The following NBEAL1 variants were observed in gnomAD, a reference collection of about 807,000 sequenced individuals.
NBEAL1 encodes the protein neurobeachin-like protein 1.
In NBEAL1, 273 loss-of-function variants were observed where a neutral mutation model predicts 351.3. That is an observed-to-expected ratio of 0.78 (90% confidence interval 0.70 to 0.86). NBEAL1 has a LOEUF of 0.86. Ranked by LOEUF, NBEAL1 falls within the 40% of genes least tolerant of loss-of-function variation. The pLI is 0.00. For synonymous variants in NBEAL1, 1,050 were observed against 1,086.4 expected (o/e 0.97, Z 0.66); for missense variants, 2,961 against 3,201.3 (o/e 0.92, Z 1.81).
At chr2:203,101,232 T>A (rs1052683491) in intron 12 of NBEAL1, among the ~76,000 whole-genome samples, 3 of 152,214 alleles carry the variant, frequency 2.0e-5, no homozygotes, top group African/African-American at 7.2e-5. Flanking sequence ...TAGCTAGTTA[T>A]CCCAGTACTA....
chr2:203,214,673 G>C (rs2065868443), intron 55 of NBEAL1, among the ~76,000 whole-genome samples: 1 of 152,146 alleles, frequency 6.6e-6, no homozygotes, highest in African/African-American at 2.4e-5. Flanking sequence ...TACTCGGGAG[G>C]CTGAGGCAAA....
At chr2:203,199,500 A>G (rs557157644) in intron 49 of NBEAL1, 53 bp downstream of exon 49, 13 of 886,422 alleles carry the variant, frequency 1.5e-5, no homozygotes, top group Non-Finnish European at 2.2e-5. Context: ...CCTTATTGCC[A>G]GGAAAAAAAC....
intron 7 of NBEAL1, among the ~76,000 whole-genome samples, chr2:203,073,998 G>A (rs1388055516): frequency 2.6e-5 from 4 of 152,124 alleles, no homozygotes; most frequent in Non-Finnish European, 5.9e-5. Flanking sequence ...ATTTCGGTTA[G>A]GAAGAATAAA....
chr2:203,076,589 C>CTTTTTTTT (rs369481909), intron 7 of NBEAL1, among the ~76,000 whole-genome samples: 3 of 109,226 alleles, frequency 2.7e-5, no homozygotes, highest in Non-Finnish European at 5.1e-5. Flanking sequence ...GTACTATGTA[C>CTTTTTTTT]TTTTTTTTTT....
chr2:203,173,999 A>C (rs2064405717), intron 41 of NBEAL1, among the ~76,000 whole-genome samples: 1 of 151,954 alleles, frequency 6.6e-6, no homozygotes, highest in Non-Finnish European at 1.5e-5. Context: ...CATTCAGACC[A>C]ATTATGCATG....
chr2:203,079,081 T>TTTG lies in NBEAL1; in HGVS notation c.684+1256_684+1258dup, dbSNP rs551952516. 5.3e-5 allele frequency among the ~76,000 whole-genome samples: 8 copies of TTTG among 152,202 alleles called. No homozygotes were observed. The South Asian group carries it at 1.7e-3, about 32-fold the overall frequency. On this transcript the variant is annotated intron_variant, in intron 8 of 55. Transcript: ENST00000683969. ...CACAAGTTTGTTTTGTTTTGTTTTG[T>TTTG]TTGTTGTTGTTGTTTTGAGACAGGG...
chr2:203,025,499 G>A (rs540852399), intron 2 of NBEAL1, among the ~76,000 whole-genome samples: 26 of 152,026 alleles, frequency 1.7e-4, no homozygotes, highest in African/African-American at 4.8e-4. Context: ...GCAAAATTAC[G>A]TTGCAAGTTT....
intron 10 of NBEAL1, among the ~76,000 whole-genome samples, chr2:203,089,209 A>C (rs1215719798): frequency 1.3e-5 from 2 of 152,060 alleles, no homozygotes; most frequent in African/African-American, 4.8e-5. Context: ...AAATACAAAA[A>C]TTAGCCAGGC....
intron 10 of NBEAL1, among the ~76,000 whole-genome samples, chr2:203,089,634 C>T (rs1460788124): frequency 6.6e-6 from 1 of 152,072 alleles, no homozygotes; most frequent in Non-Finnish European, 1.5e-5. Context: ...CACACACACA[C>T]CACAAAATTA....
chr2:203,218,045 C>T lies in NBEAL1; in HGVS notation c.*691C>T, dbSNP rs895769522. The T allele has an allele frequency of 4.2e-5, 28 of 670,528 alleles. No individual in the cohort carries two copies. The highest frequency in any genetic ancestry group is 5.2e-5 in the Non-Finnish European group (28 of 542,718). The allele number at this position is 670,528 out of a possible 1,614,324, so 41.5% of individuals were successfully genotyped here. ...TTAATAATATAATTAAGCAAAAGTG[C>T]TAATTGTGATTTTGACAGTTGGGCC... On this transcript the variant is annotated 3_prime_UTR_variant, in exon 56 of 56. Transcript: ENST00000683969.
Position 203,166,419 on chromosome 2 carries a change from T to C in NBEAL1, c.5863+122T>C, listed in dbSNP as rs561235509. On this transcript the variant is annotated intron_variant, in intron 37 of 55. Coordinates refer to ENST00000683969, the MANE Select transcript of NBEAL1 (RefSeq NM_001378026.1). ...ATCATGTGAAGGGAGAAATGGAAAG[T>C]CAGTAAGGGGTCAAATTTGTTATTC... The C allele has an allele frequency of 3.4e-6, 3 of 878,932 alleles. No homozygotes were observed. The East Asian group carries it at 8.9e-5, about 26-fold the overall frequency. The allele number at this position is 878,932 out of a possible 1,614,324, so 54.4% of individuals were successfully genotyped here. A position where few individuals can be genotyped will look rare whatever the true frequency, so the allele number is the denominator to read the frequency against.
At chr2:203,056,945 T>C (rs966918793) in intron 5 of NBEAL1, among the ~76,000 whole-genome samples, 1 of 152,212 alleles carries the variant, frequency 6.6e-6, no homozygotes, top group Non-Finnish European at 1.5e-5. Context: ...CTTAAACTTA[T>C]TGTTGGGTAA....
chr2:203,217,282 T>G lies in NBEAL1; in HGVS notation c.8100T>G (p.Phe2700Leu), dbSNP rs532576544. 107 of 1,599,432 alleles carry G rather than the reference T, an allele frequency of 6.7e-5. No homozygotes were observed. In the South Asian group the frequency reaches 1.1e-3, roughly 17 times the overall value. The change falls in exon 56 of 56, where the codon TTT becomes TTG. Residue 2700 changes from phenylalanine to leucine, a missense_variant. Phe to Leu is a conservative substitution (Grantham distance 22). Coordinates refer to ENST00000683969, the MANE Select transcript of NBEAL1 (RefSeq NM_001378026.1). ...EMRSGQLSRK[F>L]WGSSKRLSQI... ...GTTCAGGTCAGCTTTCTCGAAAATT[T>G]TGGGGATCGAGCAAGCGGCTCAGCC...
At chr2:203,035,122 A>G (rs2061020739) in intron 2 of NBEAL1, among the ~76,000 whole-genome samples, 1 of 149,258 alleles carries the variant, frequency 6.7e-6, no homozygotes, top group South Asian at 2.1e-4. Context: ...ATTTAATTCC[A>G]TTATCCTCTC....
rs1291273388 is a variant in NBEAL1, at chr2:203,126,813, T to A, written c.3146-11T>A. Reference sequence around the variant, plus strand: ...TAGCTGAATTACTTACCATTGAACTTTTTATTTTAGGTCACATACAGTATC... The same window carrying A: ...TAGCTGAATTACTTACCATTGAACTATTTATTTTAGGTCACATACAGTATC... On this transcript the variant is annotated splice_polypyrimidine_tract_variant and intron_variant, in intron 22 of 55. Transcript: ENST00000683969. 1.3e-6 allele frequency: 2 copies of A among 1,546,288 alleles called. No homozygotes were observed. Among genetic ancestry groups the A allele is most frequent in the Non-Finnish European group, 1.7e-6 (2 of 1,145,392 alleles).
intron 4 of NBEAL1, 74 bp from the exon 5 acceptor site, chr2:203,056,352 AT>A (rs2061401252): frequency 6.2e-6 from 5 of 805,524 alleles, no homozygotes; most frequent in Non-Finnish European, 1.1e-5. Context: ...TGTTCTCATA[AT>A]TCAAGCTGAA....
chr2:203,044,682 A>G (rs182268824), intron 3 of NBEAL1, among the ~76,000 whole-genome samples: 2 of 152,324 alleles, frequency 1.3e-5, no homozygotes, highest in Non-Finnish European at 2.9e-5. Context: ...TTTCTAATAG[A>G]AAACATTCAG....
At position 203,217,389 on chromosome 2, in the gene NBEAL1, C is replaced by A. The variant is rs373567499; in HGVS notation, c.*35C>A. The A allele has an allele frequency of 4.2e-5, 65 of 1,537,452 alleles. No homozygotes were observed. In the African/African-American group the frequency reaches 8.2e-4, roughly 19 times the overall value. ...CCATTTTCTGTTATGATTACTGAAACCTGATTTATTGCTTTGTCACTTTAA... is the reference window on the plus strand; with the variant it reads ...CCATTTTCTGTTATGATTACTGAAAACTGATTTATTGCTTTGTCACTTTAA... On this transcript the variant is annotated 3_prime_UTR_variant, in exon 56 of 56. Transcript: ENST00000683969.
intron 55 of NBEAL1, among the ~76,000 whole-genome samples, chr2:203,215,283 G>A (rs928111765): frequency 6.6e-6 from 1 of 151,940 alleles, no homozygotes; most frequent in Non-Finnish European, 1.5e-5. Flanking sequence ...GGCGGATCAC[G>A]AGGTCAAGAG....
Sources: allele counts gnomAD v4.1 joint callset (sites outside exome capture counted in the v4.1 genomes callset), GRCh38; gene constraint gnomAD v4.1.1; transcripts MANE v1.5; gene names NCBI Gene and HGNC (gene_info 2026-07-23, HGNC 2026-07-21).